Variants in NXPH1 observed in about 807,000 individuals in gnomAD.
The protein encoded by NXPH1 is neurexophilin-1.
Under a neutral mutation model 23.7 loss-of-function variants are expected in NXPH1, and 5 were observed. The ratio of observed to expected loss-of-function variants is 0.21; its 90% CI spans 0.11 to 0.44. The LOEUF (loss-of-function observed/expected upper bound fraction) is 0.44. NXPH1 is among the 20% of genes least tolerant of loss of function. The pLI is 0.99. For missense variants in NXPH1, 324 were observed against 321.6 expected (o/e 1.01, Z -0.06); for synonymous variants, 144 against 122.2 (o/e 1.18, Z -1.18).
In NXPH1 at chr7:8,558,920, A is replaced by C. The variant is rs572056053; in HGVS notation, c.54+123153A>C. ...TGGAAGTATAGTGAACTGCAGGAAA[A>C]AATTAAAAACAATAGAATATTGATT... On this transcript the variant is annotated intron_variant, in intron 2 of 2. Coordinates refer to ENST00000405863, the MANE Select transcript of NXPH1 (RefSeq NM_152745.3). Among the ~76,000 whole-genome samples the C allele has an allele frequency of 4.0e-3, 462 of 116,462 alleles. 4 individuals carry two copies. The highest frequency in any genetic ancestry group is 0.02 in the African/African-American group (448 of 21,862). 76.4% of individuals were successfully genotyped at this position (116,462 alleles called of 152,430 possible). A position where few individuals can be genotyped will look rare whatever the true frequency, so the allele number is the denominator to read the frequency against.
At chr7:8,723,273 T>C (rs1350523306) in intron 2 of NXPH1, among the ~76,000 whole-genome samples, 1 of 152,208 alleles carries the variant, frequency 6.6e-6, no homozygotes, top group African/African-American at 2.4e-5. Context: ...CCCAGAAAGT[T>C]TGGCAGGCTC....
intron 2 of NXPH1, among the ~76,000 whole-genome samples, chr7:8,554,301 A>G (rs1818321567): frequency 6.6e-6 from 1 of 151,668 alleles, no homozygotes; most frequent in African/African-American, 2.4e-5. Flanking sequence ...GTCTAATGAG[A>G]CAGATGTGAT....
rs746950823 is a variant in NXPH1 at position 8,634,780 on chromosome 7, A to G, written c.55-116228A>G. ...TGATAGGGTTTATATCTATCTTCTTACTTAATAGGAAAGCATGCAGATGTA... is the reference window on the plus strand; with the variant it reads ...TGATAGGGTTTATATCTATCTTCTTGCTTAATAGGAAAGCATGCAGATGTA... On this transcript the variant is annotated intron_variant, in intron 2 of 2. Coordinates refer to ENST00000405863, the MANE Select transcript of NXPH1 (RefSeq NM_152745.3). Among the ~76,000 whole-genome samples the G allele has an allele frequency of 8.3e-4, 121 of 145,502 alleles. 1 individual carries two copies. The highest frequency in any genetic ancestry group is 1.3e-3 in the Non-Finnish European group (87 of 67,232).
At chr7:8,517,748 TC>T (rs1256481764) in intron 2 of NXPH1, among the ~76,000 whole-genome samples, 1 of 152,162 alleles carries the variant, frequency 6.6e-6, no homozygotes, top group Non-Finnish European at 1.5e-5. Flanking sequence ...CATTGATTTT[TC>T]TTATACTCTA....
At chr7:8,560,914 G>T (rs946196128) in intron 2 of NXPH1, among the ~76,000 whole-genome samples, 1 of 151,584 alleles carries the variant, frequency 6.6e-6, no homozygotes, top group Non-Finnish European at 1.5e-5. Context: ...ACATCTGGCT[G>T]CAGGTTACAG....
chr7:8,573,301 C>A (rs950947892), intron 2 of NXPH1, among the ~76,000 whole-genome samples: 2 of 152,064 alleles, frequency 1.3e-5, no homozygotes, highest in Non-Finnish European at 2.9e-5. Flanking sequence ...TTTTAAGCAA[C>A]TGTTTTACAT....
Position 8,524,231 on chromosome 7 carries a change from G to A in NXPH1, c.54+88464G>A, listed in dbSNP as rs955230035. On this transcript the variant is annotated intron_variant, in intron 2 of 2. Coordinates refer to ENST00000405863, the MANE Select transcript of NXPH1 (RefSeq NM_152745.3). ...CACTCCAGTCTGGGTGACAGAGTGA[G>A]ACTCTGTCTCAAAAAAAAAAAAAAA... Among the ~76,000 whole-genome samples the A allele has an allele frequency of 3.7e-4, 38 of 103,588 alleles. No homozygotes were observed. The Admixed American group carries it at 4.2e-3, about 11-fold the overall frequency. 68.0% of individuals were successfully genotyped at this position (103,588 alleles called of 152,430 possible). A position where few individuals can be genotyped will look rare whatever the true frequency, so the allele number is the denominator to read the frequency against.
chr7:8,704,758 A>G (rs1292337729), intron 2 of NXPH1, among the ~76,000 whole-genome samples: 2 of 152,078 alleles, frequency 1.3e-5, no homozygotes, highest in African/African-American at 4.8e-5. Context: ...TGTAAAAAAA[A>G]AAAGATAAAA....
At chr7:8,662,201 T>C (rs1481943044) in intron 2 of NXPH1, among the ~76,000 whole-genome samples, 1 of 102,800 alleles carries the variant, frequency 9.7e-6, no homozygotes, top group Non-Finnish European at 2.2e-5. Context: ...CACACATATA[T>C]ATATACACAC....
chr7:8,712,240 C>G (rs1779809880), intron 2 of NXPH1, among the ~76,000 whole-genome samples: 1 of 152,104 alleles, frequency 6.6e-6, no homozygotes, highest in East Asian at 1.9e-4. Context: ...GATCAGTTTT[C>G]TTTATGTTAT....
At chr7:8,477,179 A>G (rs1005258214) in intron 2 of NXPH1, among the ~76,000 whole-genome samples, 1 of 152,098 alleles carries the variant, frequency 6.6e-6, no homozygotes, top group African/African-American at 2.4e-5. Flanking sequence ...TATAAAAAGT[A>G]CTTCCCTGGC....
At chr7:8,439,822 T>A (rs1313988035) in intron 2 of NXPH1, among the ~76,000 whole-genome samples, 5 of 152,198 alleles carry the variant, frequency 3.3e-5, no homozygotes, top group Admixed American at 3.3e-4. Flanking sequence ...TTAAGGTATA[T>A]TGGAGCTGGG....
At chr7:8,702,817 A>G (rs573123939) in intron 2 of NXPH1, among the ~76,000 whole-genome samples, 1 of 152,136 alleles carries the variant, frequency 6.6e-6, no homozygotes, top group Non-Finnish European at 1.5e-5. Flanking sequence ...TAGAGATGTG[A>G]TAAGAGTAAA....
intron 2 of NXPH1, among the ~76,000 whole-genome samples, chr7:8,519,516 A>T (rs529935426): frequency 6.6e-6 from 1 of 152,336 alleles, no homozygotes; most frequent in East Asian, 1.9e-4. Context: ...ATTCCAAGGA[A>T]ATAAAAGGAC....
At chr7:8,640,773 A>G (rs1016468189) in intron 2 of NXPH1, among the ~76,000 whole-genome samples, 1 of 152,118 alleles carries the variant, frequency 6.6e-6, no homozygotes, top group Non-Finnish European at 1.5e-5. Flanking sequence ...CCTGGACAAC[A>G]TAGGGAGACC....
At chr7:8,644,380 T>C (rs982318890) in intron 2 of NXPH1, among the ~76,000 whole-genome samples, 4 of 152,186 alleles carry the variant, frequency 2.6e-5, no homozygotes, top group African/African-American at 9.6e-5. Context: ...TGGAGTTCCT[T>C]TGGGAAGAAA....
At chr7:8,560,826 T>A (rs1228082959) in intron 2 of NXPH1, among the ~76,000 whole-genome samples, 2 of 151,688 alleles carry the variant, frequency 1.3e-5, no homozygotes, top group African/African-American at 4.8e-5. Flanking sequence ...AAACCTCAAT[T>A]TGCTAAGGTT....
intron 2 of NXPH1, among the ~76,000 whole-genome samples, chr7:8,536,192 C>A (rs920623555): frequency 5.9e-5 from 9 of 152,000 alleles, no homozygotes; most frequent in Non-Finnish European, 1.3e-4. Context: ...GTGGAGCTTG[C>A]AGATAAGAAA....
At chr7:8,662,127 T>C (rs188461702) in intron 2 of NXPH1, among the ~76,000 whole-genome samples, 6 of 151,948 alleles carry the variant, frequency 3.9e-5, no homozygotes, top group Non-Finnish European at 8.8e-5. Context: ...CATTTCTAGT[T>C]TAAATGATTA....
Sources: gnomAD v4.1 joint callset for allele counts (sites outside exome capture counted in the v4.1 genomes callset) on GRCh38, gnomAD v4.1.1 for gene constraint, MANE v1.5 for transcripts, NCBI Gene and HGNC (gene_info 2026-07-23, HGNC 2026-07-21) for gene names.